Variants in ADD1 observed in about 807,000 individuals in gnomAD.
ADD1 encodes the protein alpha-adducin.
Under a neutral mutation model 80.5 loss-of-function variants are expected in ADD1, and 24 were observed. The ratio of observed to expected loss-of-function variants is 0.30; its 90% CI spans 0.22 to 0.42. The LOEUF (loss-of-function observed/expected upper bound fraction) is 0.42, where lower values mean the gene tolerates loss of function less well. ADD1 is among the 10% of genes least tolerant of loss of function. The pLI is 1.00. For missense variants in ADD1, 948 were observed against 1,019.0 expected (o/e 0.93, Z 0.95); for synonymous variants, 373 against 393.8 (o/e 0.95, Z 0.63).
At chr4:2,852,310 T>TTTTTC (rs1553815420) in intron 1 of ADD1, among the ~76,000 whole-genome samples, 3 of 122,600 alleles carry the variant, frequency 2.4e-5, no homozygotes, top group East Asian at 2.0e-4. Context: ...TCTTTTCTTT[T>TTTTTC]TTTTCTTTTC....
intron 9 of ADD1, chr4:2,900,780 C>T (rs1736046445): frequency 6.6e-6 from 1 of 152,214 alleles, no homozygotes; most frequent in Non-Finnish European, 1.5e-5. Flanking sequence ...TAGACTCAAT[C>T]AGTGACACAG....
intron 14 of ADD1, among the ~76,000 whole-genome samples, chr4:2,918,985 C>T (rs1489361333): frequency 6.6e-6 from 1 of 151,904 alleles, no homozygotes; most frequent in Non-Finnish European, 1.5e-5. Flanking sequence ...AGACTACAGA[C>T]ACACGCCACC....
chr4:2,920,115 G>C (rs1465035549), intron 14 of ADD1, among the ~76,000 whole-genome samples: 1 of 152,204 alleles, frequency 6.6e-6, no homozygotes, highest in African/African-American at 2.4e-5. Flanking sequence ...TCATTTAGGA[G>C]TAGGCTATTC....
At chr4:2,878,713 T>C (rs73082335) in intron 2 of ADD1, among the ~76,000 whole-genome samples, 3,704 of 151,910 alleles carry the variant, frequency 0.024, 147 homozygotes, top group African/African-American at 0.085. Context: ...TCACTTGAGT[T>C]TAGGAGTTTG....
chr4:2,852,221 C>CCTTTCTTTCCTTT (rs1174325929), intron 1 of ADD1, among the ~76,000 whole-genome samples: 10 of 130,398 alleles, frequency 7.7e-5, no homozygotes, highest in African/African-American at 2.8e-4. Flanking sequence ...TCCTTTCTTT[C>CCTTTCTTTCCTTT]CTTTCTTTCC....
At chr4:2,889,684 CATG>C (rs895196680) in intron 4 of ADD1, among the ~76,000 whole-genome samples, 4 of 152,068 alleles carry the variant, frequency 2.6e-5, no homozygotes, top group African/African-American at 9.7e-5. Flanking sequence ...TTTGGCCAGG[CATG>C]GTGGTGTGCC....
intron 9 of ADD1, 77 bp downstream of exon 9, chr4:2,899,512 G>T (rs748555487): frequency 1.3e-6 from 2 of 1,498,082 alleles, no homozygotes; most frequent in East Asian, 2.3e-5. Context: ...CAGCAAGTGC[G>T]ATTGCTGTCT....
At chr4:2,891,313 C>A (rs1227543431) in intron 4 of ADD1, among the ~76,000 whole-genome samples, 1 of 151,900 alleles carries the variant, frequency 6.6e-6, no homozygotes, top group Admixed American at 6.6e-5. Context: ...ATTAGCTGGG[C>A]ATGGTGTGCC....
chr4:2,897,423 T>TTA lies in ADD1; in HGVS notation c.742-752_742-751dup, dbSNP rs1166277780. Among the ~76,000 whole-genome samples the TTA allele has an allele frequency of 4.7e-5, 7 of 148,874 alleles. No homozygotes were observed. In the South Asian group the frequency reaches 1.0e-3, roughly 22 times the overall value. On this transcript the variant is annotated intron_variant, in intron 6 of 15. Coordinates refer to ENST00000683351, the MANE Select transcript of ADD1 (RefSeq NM_001354761.2). ...TATAAATTGTATATATATAATTACA[T>TTA]TATATATATACAAACTTGTATAAAT...
chr4:2,845,461 C>T (rs1366989758), intron 1 of ADD1, among the ~76,000 whole-genome samples: 1 of 152,148 alleles, frequency 6.6e-6, no homozygotes, highest in Non-Finnish European at 1.5e-5. Flanking sequence ...ATGATTTGGG[C>T]AGTCAAAACT....
chr4:2,928,093 G>C (rs1468069485), intron 15 of ADD1, 78 bp from the exon 16 acceptor site: 1 of 1,310,126 alleles, frequency 7.6e-7, no homozygotes, highest in African/African-American at 1.5e-5. Flanking sequence ...AGTTTCGTGT[G>C]TGGGGCTCCC....
intron 4 of ADD1, among the ~76,000 whole-genome samples, chr4:2,893,415 C>G (rs895475326): frequency 6.6e-6 from 1 of 151,982 alleles, no homozygotes; most frequent in African/African-American, 2.4e-5. Flanking sequence ...GTTTTTGAGA[C>G]CAGCCTGGCC....
intron 1 of ADD1, among the ~76,000 whole-genome samples, chr4:2,866,193 G>T (rs1729516118): frequency 6.6e-6 from 1 of 152,310 alleles, no homozygotes; most frequent in South Asian, 2.1e-4. Flanking sequence ...TTTTGAGGCA[G>T]TCTCCCTCTG....
intron 10 of ADD1, chr4:2,905,724 G>C (rs1487175469): frequency 6.5e-6 from 1 of 154,876 alleles, no homozygotes; most frequent in Admixed American, 6.3e-5. Context: ...ACTCCTGTTG[G>C]GTGCGGCATG....
In ADD1 at chr4:2,876,115, GAA is replaced by G; in HGVS notation, c.195+6_195+7del. On this transcript the variant is annotated splice_donor_region_variant and intron_variant, in intron 2 of 15. Coordinates refer to ENST00000683351, the MANE Select transcript of ADD1 (RefSeq NM_001354761.2). ...TCCATGATTCTGCAAAGCCCTGTGA[GAA>G]GAGAAGTCTTTTCTCTGACCAGATG... 6.2e-7 allele frequency: 1 copy of G among 1,609,462 alleles called. No homozygotes were observed. Among genetic ancestry groups the G allele is most frequent in the Non-Finnish European group, 8.5e-7 (1 of 1,178,264 alleles).
At chr4:2,914,760 C>A in intron 13 of ADD1, 124 bp from the exon 14 acceptor site, 3 of 1,115,890 alleles carry the variant, frequency 2.7e-6, no homozygotes, top group Non-Finnish European at 3.8e-6. Context: ...CATGGCAGTG[C>A]AGTCTCAGGG....
intron 1 of ADD1, among the ~76,000 whole-genome samples, chr4:2,871,130 G>A (rs1429634752): frequency 2.6e-5 from 4 of 151,918 alleles, no homozygotes; most frequent in East Asian, 3.9e-4. Flanking sequence ...CACCACACCC[G>A]GCTAATTTTT....
At chr4:2,895,954 C>T (rs1250672983) in intron 6 of ADD1, among the ~76,000 whole-genome samples, 2 of 150,414 alleles carry the variant, frequency 1.3e-5, no homozygotes, top group Admixed American at 6.6e-5. Flanking sequence ...ATGGCGCGAT[C>T]GCGGCTCACT....
chr4:2,917,144 C>T (rs1739218479), intron 14 of ADD1, among the ~76,000 whole-genome samples: 1 of 152,216 alleles, frequency 6.6e-6, no homozygotes, highest in African/African-American at 2.4e-5. Context: ...AATTTACACT[C>T]CCACCAACAG....
Sources: gnomAD v4.1 joint callset for allele counts (sites outside exome capture counted in the v4.1 genomes callset) on GRCh38, gnomAD v4.1.1 for gene constraint, MANE v1.5 for transcripts, NCBI Gene and HGNC (gene_info 2026-07-23, HGNC 2026-07-21) for gene names.